C6: variants seen among roughly 807,000 people sequenced by gnomAD.
The protein encoded by C6 is complement component C6.
In C6, 101 loss-of-function variants were observed where a neutral mutation model predicts 112.9. That is an observed-to-expected ratio of 0.89 (90% CI 0.76 to 1.06). The LOEUF is 1.06. Among genes scored for constraint, C6 ranks in the 50% least tolerant of loss-of-function variants. The probability of loss-of-function intolerance (pLI) is 0.00; values close to 1 mark genes in which losing one functional copy is unlikely to be tolerated. For synonymous variants in C6, 431 were observed against 384.1 expected (o/e 1.12, Z -1.43); for missense variants, 1,202 against 1,104.6 (o/e 1.09, Z -1.25).
At chr5:41,213,305 T>A (rs1181917494) in intron 1 of C6, 71 bp downstream of exon 1, 1 of 642,032 alleles carries the variant, frequency 1.6e-6, no homozygotes, top group African/African-American at 2.0e-5. Context: ...CATGAAATTG[T>A]AATTTTGTTG....
chr5:41,169,787 G>T (rs1748278010), intron 9 of C6, among the ~76,000 whole-genome samples: 1 of 152,104 alleles, frequency 6.6e-6, no homozygotes, highest in East Asian at 1.9e-4. Context: ...CTGCCCCAAT[G>T]ATCCAGTCAC....
At chr5:41,223,368 GA>G (rs937892873) in intron 1 of C6, among the ~76,000 whole-genome samples, 9 of 152,274 alleles carry the variant, frequency 5.9e-5, no homozygotes, top group African/African-American at 2.2e-4. Flanking sequence ...TAATTTAAGA[GA>G]AAACCAATGA....
intron 8 of C6, 114 bp from the exon 9 acceptor site, chr5:41,172,461 T>G: frequency 8.1e-6 from 8 of 991,118 alleles, no homozygotes; most frequent in Non-Finnish European, 9.4e-6. Flanking sequence ...AGCCCCTCTC[T>G]TCCCCAGTCC....
At chr5:41,143,279 C>G (rs1235988745) in intron 17 of C6, among the ~76,000 whole-genome samples, 1 of 152,080 alleles carries the variant, frequency 6.6e-6, no homozygotes, top group Non-Finnish European at 1.5e-5. Context: ...CACTAGTAAG[C>G]CAGTAAGCTT....
intron 1 of C6, among the ~76,000 whole-genome samples, chr5:41,232,725 T>C (rs1206857122): frequency 6.6e-6 from 1 of 152,122 alleles, no homozygotes; most frequent in Non-Finnish European, 1.5e-5. Flanking sequence ...CCTGATTATT[T>C]TTCTGTTTTC....
chr5:41,206,336 C>T (rs1056052928), intron 1 of C6, among the ~76,000 whole-genome samples: 22 of 152,196 alleles, frequency 1.4e-4, no homozygotes, highest in African/African-American at 5.1e-4. Flanking sequence ...GAACGCAGCT[C>T]CTTGCATGTA....
At chr5:41,178,466 CTT>C (rs70988836) in intron 7 of C6, among the ~76,000 whole-genome samples, 749 of 101,596 alleles carry the variant, frequency 7.4e-3, no homozygotes, top group Non-Finnish European at 0.011. Context: ...TTTTCTTTTT[CTT>C]TTTTTTTTTT....
At chr5:41,210,312 G>C (rs1043672701) in intron 1 of C6, among the ~76,000 whole-genome samples, 2 of 152,084 alleles carry the variant, frequency 1.3e-5, no homozygotes, top group Non-Finnish European at 2.9e-5. Context: ...CATGGGCAAG[G>C]ACTTCATGAC....
rs760817170 is a variant in C6 at position 41,154,955 on chromosome 5, G to A, written c.2101+17C>T. On this transcript the variant is annotated intron_variant, in intron 14 of 17. Coordinates refer to ENST00000337836, the MANE Select transcript of C6 (RefSeq NM_000065.5). ...TTCTGTAAAGTAGTCAAGCAAAATT[G>A]TTTGCCCAGTTCTCACGTTGGCATT... The A allele has an allele frequency of 5.6e-6, 9 of 1,613,072 alleles. No homozygotes were observed. Among genetic ancestry groups the A allele is most frequent in the South Asian group, 5.5e-5 (5 of 91,076 alleles).
rs199835323 is a variant in C6 at position 41,235,077 on chromosome 5, G to T, written c.-21+26117C>A. Among the ~76,000 whole-genome samples, 94 of 132,766 alleles carry T rather than the reference G, an allele frequency of 7.1e-4. 1 individual carries two copies. The highest frequency in any genetic ancestry group is 4.4e-3 in the East Asian group (20 of 4,566). The allele number at this position is 132,766 out of a possible 152,430, so 87.1% of individuals were successfully genotyped here. On this transcript the variant is annotated intron_variant, in intron 1 of 17. Coordinates refer to the C6 transcript ENST00000263413. ...CTCATTCTTTTTTTTTTTTTTTAAT[G>T]TTTTTTTTTTTATTATACTTTAAGT...
chr5:41,217,060 A>G (rs1399341638), upstream of C6, among the ~76,000 whole-genome samples: 1 of 152,048 alleles, frequency 6.6e-6, no homozygotes, highest in African/African-American at 2.4e-5. Flanking sequence ...TTCTCTTGCC[A>G]TTATATTTTT....
In C6 at chr5:41,260,448, A is replaced by AC. The variant is rs61132411; in HGVS notation, c.-21+745dup. Among the ~76,000 whole-genome samples the AC allele has an allele frequency of 9.5e-3, 1,379 of 144,648 alleles. 33 individuals carry two copies. Among genetic ancestry groups the AC allele is most frequent in the African/African-American group, 0.033 (1,279 of 38,472 alleles). 94.9% of individuals were successfully genotyped at this position (144,648 alleles called of 152,430 possible). A position where few individuals can be genotyped will look rare whatever the true frequency, so the allele number is the denominator to read the frequency against. On this transcript the variant is annotated intron_variant, in intron 1 of 17. Coordinates refer to the C6 transcript ENST00000263413. ...TTGTTCAGTAAAAACAAACAAATAA[A>AC]CCCCCCCCCAAAACAAACAAACAAA...
intron 9 of C6, among the ~76,000 whole-genome samples, chr5:41,163,754 AT>A (rs1000865952): frequency 6.6e-6 from 1 of 152,206 alleles, no homozygotes; most frequent in African/African-American, 2.4e-5. Flanking sequence ...CATTTCTACA[AT>A]TCTTTAGTAA....
intron 13 of C6, among the ~76,000 whole-genome samples, chr5:41,155,771 A>C (rs1247894678): frequency 6.6e-6 from 1 of 151,462 alleles, no homozygotes; most frequent in Non-Finnish European, 1.5e-5. Flanking sequence ...AAAACCCAAA[A>C]CAAAAAAAAA....
intron 1 of C6, among the ~76,000 whole-genome samples, chr5:41,226,716 T>C (rs1233164683): frequency 1.3e-5 from 2 of 152,164 alleles, no homozygotes; most frequent in Admixed American, 6.6e-5. Flanking sequence ...TGTTTGTCTT[T>C]CTTTGCATGT....
chr5:41,242,056 T>G (rs1210366390), intron 1 of C6, among the ~76,000 whole-genome samples: 1 of 152,196 alleles, frequency 6.6e-6, no homozygotes, highest in Non-Finnish European at 1.5e-5. Context: ...TTTAAGACTT[T>G]TTTCCTCATT....
rs1464604705 is a variant in C6 at position 41,181,454 on chromosome 5, A to G, written c.832T>C (p.Ser278Pro). 1.9e-6 allele frequency: 3 copies of G among 1,613,626 alleles called. No homozygotes were observed. In the South Asian group the frequency reaches 3.3e-5, roughly 18 times the overall value. Residue 278 changes from serine to proline, a missense_variant, in exon 7 of 18, where the codon TCT becomes CCT. Ser to Pro is a moderately conservative substitution (Grantham distance 74). Coordinates refer to ENST00000337836, the MANE Select transcript of C6 (RefSeq NM_000065.5). Reference protein sequence around the residue: ...QGSFSSQGGSSFSVPIFYSSK... With the variant: ...QGSFSSQGGSPFSVPIFYSSK... Reference sequence around the variant, plus strand: ...GAATAAAAAATTGGTACACTGAAAGAGCTCCCCCCCTGACTTGAGAATGAG... The same window carrying G: ...GAATAAAAAATTGGTACACTGAAAGGGCTCCCCCCCTGACTTGAGAATGAG...
intron 1 of C6, among the ~76,000 whole-genome samples, chr5:41,236,731 C>A (rs1740333694): frequency 1.4e-5 from 2 of 140,202 alleles, no homozygotes; most frequent in African/African-American, 5.5e-5. Flanking sequence ...AAAATCAGAG[C>A]AGAACTGAAG....
At chr5:41,232,649 G>A (rs564876514) in intron 1 of C6, among the ~76,000 whole-genome samples, 1 of 152,018 alleles carries the variant, frequency 6.6e-6, no homozygotes, top group East Asian at 1.9e-4. Flanking sequence ...TGGAAATACA[G>A]AAAAGTAAAA....
Sources: allele counts gnomAD v4.1 joint callset (sites outside exome capture counted in the v4.1 genomes callset), GRCh38; gene constraint gnomAD v4.1.1; transcripts MANE v1.5; gene names NCBI Gene and HGNC (gene_info 2026-07-23, HGNC 2026-07-21).